PSPC1: variants seen among roughly 807,000 people sequenced by gnomAD.
PSPC1 encodes paraspeckle component 1.
In PSPC1, 14 loss-of-function variants were observed where a neutral mutation model predicts 51.6. The ratio of observed to expected loss-of-function variants is 0.27; its 90% CI spans 0.18 to 0.42. The LOEUF (loss-of-function observed/expected upper bound fraction) is 0.42. PSPC1 is among the 10% of genes least tolerant of loss of function. PSPC1 has a pLI of 1.00. For missense variants in PSPC1, 406 were observed against 701.1 expected, an observed-to-expected ratio of 0.58 and a Z score of 4.75; for synonymous variants, 193 against 231.9, an observed-to-expected ratio of 0.83 and a Z score of 1.53.
At chr13:19,767,525 T>C (rs1385921651) in intron 2 of PSPC1, among the ~76,000 whole-genome samples, 1 of 152,116 alleles carries the variant, frequency 6.6e-6, no homozygotes, top group African/African-American at 2.4e-5. Context: ...CAAAAAAATT[T>C]TTGAAAAAAT....
intron 5 of PSPC1, among the ~76,000 whole-genome samples, chr13:19,736,498 ACAG>A (rs973345230): frequency 3.8e-4 from 57 of 151,816 alleles, no homozygotes; most frequent in Middle Eastern, 3.4e-3. Context: ...CCTGGCTAAC[ACAG>A]TGAAACCCCA....
chr13:19,755,850 A>C (rs1298772911), intron 3 of PSPC1, among the ~76,000 whole-genome samples: 1 of 152,168 alleles, frequency 6.6e-6, no homozygotes, highest in East Asian at 1.9e-4. Context: ...CAGTTGCTCT[A>C]AATCCTAGTT....
At chr13:19,712,423 G>A (rs533862828) in intron 6 of PSPC1, among the ~76,000 whole-genome samples, 1 of 152,196 alleles carries the variant, frequency 6.6e-6, no homozygotes, top group East Asian at 1.9e-4. Flanking sequence ...TGTATTTTCA[G>A]CTCTATGTAT....
rs756685290 is a variant in PSPC1 at position 19,782,778 on chromosome 13, C to A, written c.-21G>T. Reference sequence around the variant, plus strand: ...ATCATCTTACTGAGTTCGCCTCGGACACCGGATACAGGCCTAGATTTATAG... The same window carrying A: ...ATCATCTTACTGAGTTCGCCTCGGAAACCGGATACAGGCCTAGATTTATAG... On this transcript the variant is annotated 5_prime_UTR_variant, in exon 1 of 9. Coordinates refer to ENST00000338910, the MANE Select transcript of PSPC1 (RefSeq NM_001354909.2). The surrounding 1 kb of genome is among the most constrained non-coding windows in gnomAD (Gnocchi z 4.5). 4 of 1,521,752 alleles carry A rather than the reference C, an allele frequency of 2.6e-6. No homozygotes were observed. The highest frequency in any genetic ancestry group is 3.5e-6 in the Non-Finnish European group (4 of 1,152,110). 94.3% of individuals were successfully genotyped at this position (1,521,752 alleles called of 1,614,324 possible). A position where few individuals can be genotyped will look rare whatever the true frequency, so the allele number is the denominator to read the frequency against.
At position 19,694,145 on chromosome 13, in the gene PSPC1, A is replaced by T. The variant is rs913453744; in HGVS notation, c.1159-16322T>A. Among the ~76,000 whole-genome samples, 4 of 40,556 alleles carry T rather than the reference A, an allele frequency of 9.9e-5. No homozygotes were observed. In the Admixed American group the frequency reaches 1.3e-3, roughly 13 times the overall value. 26.6% of individuals were successfully genotyped at this position (40,556 alleles called of 152,430 possible). A position where few individuals can be genotyped will look rare whatever the true frequency, so the allele number is the denominator to read the frequency against. ...CTCAAAAAAAAAAAAAAAAAAAAAA[A>T]AAAAACCATATATATATATATACAT... On this transcript the variant is annotated intron_variant and NMD_transcript_variant, in intron 6 of 7. Coordinates refer to the PSPC1 transcript ENST00000471658.
intron 6 of PSPC1, among the ~76,000 whole-genome samples, chr13:19,710,906 T>A (rs1160874658): frequency 6.6e-6 from 1 of 151,984 alleles, no homozygotes; most frequent in African/African-American, 2.4e-5. Flanking sequence ...GGCGTCATGA[T>A]AGCTCACTGC....
At chr13:19,676,561 C>T (rs1876659447) in intron 7 of PSPC1, among the ~76,000 whole-genome samples, 1 of 152,014 alleles carries the variant, frequency 6.6e-6, no homozygotes, top group South Asian at 2.1e-4. Flanking sequence ...AAAGAAACGT[C>T]TTCATTAGTA....
intron 6 of PSPC1, among the ~76,000 whole-genome samples, chr13:19,709,829 C>T (rs2137773336): frequency 6.6e-6 from 1 of 150,986 alleles, no homozygotes; most frequent in Non-Finnish European, 1.5e-5. Flanking sequence ...GATTAGATTA[C>T]TAATGAATCA....
At position 19,762,284 on chromosome 13, in the gene PSPC1, G is replaced by A. The variant is rs1461064782; in HGVS notation, c.675-2866C>T. ...TGAGCAAAGATCAATCAGGCTGGGC[G>A]TGGTGGCTCACGCCTGTAACCCCAG... On this transcript the variant is annotated intron_variant, in intron 2 of 8. Coordinates refer to ENST00000338910, the MANE Select transcript of PSPC1 (RefSeq NM_001354909.2). 3.9e-5 allele frequency among the ~76,000 whole-genome samples: 6 copies of A among 152,188 alleles called. No individual in the cohort carries two copies. The East Asian group carries it at 5.8e-4, about 15-fold the overall frequency.
At chr13:19,769,383 G>A (rs965820498) in intron 2 of PSPC1, among the ~76,000 whole-genome samples, 7 of 152,048 alleles carry the variant, frequency 4.6e-5, no homozygotes, top group African/African-American at 1.7e-4. Context: ...GTGAAACCCC[G>A]TCTCTACTAA....
In PSPC1 at chr13:19,715,408, T is replaced by G. The variant is rs187157482; in HGVS notation, c.1159-5809A>C. 4.6e-3 allele frequency among the ~76,000 whole-genome samples: 695 copies of G among 152,288 alleles called. 5 individuals are homozygous for G. Among genetic ancestry groups the G allele is most frequent in the South Asian group, 0.027 (130 of 4,820 alleles). On this transcript the variant is annotated intron_variant, in intron 6 of 8. Transcript: ENST00000338910. The stretch of plus-strand genomic sequence containing the variant: ...GCACTTTTTGTGCAGAACATGGATA[T>G]TTTTCCTTTAATATTTAGTACTTGG...
chr13:19,768,228 C>T (rs1052991520), intron 2 of PSPC1, among the ~76,000 whole-genome samples: 3 of 150,222 alleles, frequency 2.0e-5, no homozygotes, highest in African/African-American at 4.9e-5. Flanking sequence ...GTGTCCCCCC[C>T]CAAAAAAATA....
At chr13:19,752,296 C>A (rs1294177181) in intron 3 of PSPC1, among the ~76,000 whole-genome samples, 1 of 152,138 alleles carries the variant, frequency 6.6e-6, no homozygotes, top group East Asian at 1.9e-4. Context: ...CTGTTAAATG[C>A]TGTACCACCA....
intron 2 of PSPC1, among the ~76,000 whole-genome samples, chr13:19,762,090 T>G (rs17301573): frequency 0.031 from 4,756 of 152,304 alleles, 103 homozygotes; most frequent in South Asian, 0.071. Context: ...TGTAAACTTT[T>G]CACATGTAAG....
intron 8 of PSPC1, among the ~76,000 whole-genome samples, chr13:19,705,365 C>A (rs1180599961): frequency 1.3e-5 from 2 of 152,104 alleles, no homozygotes; most frequent in Admixed American, 6.5e-5. Context: ...TGGTGGCGCA[C>A]GCCTGTAGCC....
chr13:19,749,275 G>T (rs1023858681), intron 4 of PSPC1, among the ~76,000 whole-genome samples: 15 of 152,044 alleles, frequency 9.9e-5, no homozygotes, highest in Admixed American at 9.8e-4. Context: ...TTGAACCCCC[G>T]AGGTGGAGGT....
chr13:19,723,009 G>T (rs1342286170), intron 6 of PSPC1, among the ~76,000 whole-genome samples: 1 of 152,104 alleles, frequency 6.6e-6, no homozygotes, highest in African/African-American at 2.4e-5. Context: ...TACTTGGAAG[G>T]CTGAGGCACA....
At chr13:19,717,999 C>T (rs12871826) in intron 6 of PSPC1, among the ~76,000 whole-genome samples, 11,325 of 151,840 alleles carry the variant, frequency 0.075, 596 homozygotes, top group Non-Finnish European at 0.11. Flanking sequence ...CCTATGATTG[C>T]GTCACTGCAC....
chr13:19,751,244 C>T, intron 4 of PSPC1, 27 bp downstream of exon 4: 2 of 1,488,874 alleles, frequency 1.3e-6, no homozygotes, highest in Non-Finnish European at 1.8e-6. Context: ...AAAATCATAC[C>T]ACATGTACAT....
Sources: gnomAD v4.1 joint callset for allele counts (sites outside exome capture counted in the v4.1 genomes callset) on GRCh38, gnomAD v4.1.1 for gene constraint, Gnocchi (gnomAD v3.1) non-coding constraint, MANE v1.5 for transcripts, NCBI Gene and HGNC (gene_info 2026-07-23, HGNC 2026-07-21) for gene names.